PPHLN1: variants seen among roughly 807,000 people sequenced by gnomAD.
PPHLN1 encodes periphilin 1, also known as periphilin-1.
In PPHLN1, 29 loss-of-function variants were observed where a neutral mutation model predicts 51.3. The observed-to-expected ratio is 0.57, with a 90% CI of 0.42 to 0.77. The LOEUF (loss-of-function observed/expected upper bound fraction) is 0.77. Ranked by LOEUF, PPHLN1 falls within the 30% of genes least tolerant of loss-of-function variation. The pLI is 0.00. For synonymous variants in PPHLN1, 147 were observed against 147.8 expected, an observed-to-expected ratio of 0.99 and a Z score of 0.04; for missense variants, 436 against 438.4, an observed-to-expected ratio of 0.99 and a Z score of 0.05.
intron 2 of PPHLN1, among the ~76,000 whole-genome samples, chr12:42,336,745 G>A (rs1592191230): frequency 6.6e-6 from 1 of 152,176 alleles, no homozygotes; most frequent in East Asian, 1.9e-4. Flanking sequence ...GTTTGGGGAA[G>A]GTTAAAAAGC....
chr12:42,339,257 T>C (rs2071132237), intron 2 of PPHLN1, among the ~76,000 whole-genome samples: 1 of 152,224 alleles, frequency 6.6e-6, no homozygotes. Flanking sequence ...ATTTCTCTCC[T>C]TTTTCTTCAA....
At chr12:42,377,492 C>G (rs902203107) in intron 5 of PPHLN1, among the ~76,000 whole-genome samples, 1 of 151,800 alleles carries the variant, frequency 6.6e-6, no homozygotes, top group Non-Finnish European at 1.5e-5. Context: ...TTAGTAGAGA[C>G]AGGGTTGCAC....
At chr12:42,399,150 G>C in intron 9 of PPHLN1, 156 bp downstream of exon 9, 7 of 1,411,626 alleles carry the variant, frequency 5.0e-6, no homozygotes, top group Non-Finnish European at 6.5e-6. Context: ...TGACTTCACA[G>C]TCAGTTTGAT....
At chr12:42,347,577 C>T (rs1048962195) in intron 2 of PPHLN1, among the ~76,000 whole-genome samples, 1 of 152,054 alleles carries the variant, frequency 6.6e-6, no homozygotes, top group Non-Finnish European at 1.5e-5. Context: ...GTCAGGAATT[C>T]GAGACCAGCC....
Position 42,355,216 on chromosome 12 carries a change from A to C in PPHLN1, c.293A>C (p.Glu98Ala), listed in dbSNP as rs989825681. The C allele has an allele frequency of 9.3e-6, 15 of 1,612,722 alleles. No homozygotes were observed. Among genetic ancestry groups the C allele is most frequent in the Non-Finnish European group, 1.3e-5 (15 of 1,178,866 alleles). ...GATCATTCTGCAAGCAGGCAACCTG[A>C]ATACAGGTAAAAGGATAAAAATAAT... ...RDDHSASRQP[E>A]YRDMRDGFRR... The change falls in exon 4 of 10, where the codon GAA becomes GCA. Residue 98 changes from glutamate to alanine, a missense_variant. Glu to Ala is a moderately radical substitution (Grantham distance 107, BLOSUM62 -1). Coordinates refer to ENST00000358314, the MANE Select transcript of PPHLN1 (RefSeq NM_201439.2).
chr12:42,383,453 A>T (rs1489406698), intron 5 of PPHLN1, among the ~76,000 whole-genome samples: 2 of 152,224 alleles, frequency 1.3e-5, no homozygotes, highest in East Asian at 1.9e-4. Context: ...CACTTAATAA[A>T]ATAGGATTAA....
chr12:42,333,771 T>C (rs1319204238), intron 1 of PPHLN1, among the ~76,000 whole-genome samples: 3 of 152,350 alleles, frequency 2.0e-5, no homozygotes, highest in South Asian at 2.1e-4. Context: ...CGTGAGCCGC[T>C]GCGCCCGGCC....
intron 2 of PPHLN1, among the ~76,000 whole-genome samples, chr12:42,346,508 T>C (rs577638628): frequency 7.9e-5 from 12 of 152,204 alleles, no homozygotes; most frequent in Non-Finnish European, 1.6e-4. Context: ...ACTTAAGTTG[T>C]TTCTAAATTT....
Position 42,442,143 on chromosome 12 carries a change from A to G in PPHLN1, c.*634A>G. 4.5e-6 allele frequency: 1 copy of G among 223,904 alleles called. No homozygotes were observed. The highest frequency in any genetic ancestry group is 7.5e-6 in the Non-Finnish European group (1 of 133,448). The allele number at this position is 223,904 out of a possible 1,614,324, so 13.9% of individuals were successfully genotyped here. A position where few individuals can be genotyped will look rare whatever the true frequency, so the allele number is the denominator to read the frequency against. ...CTTAAATAATATCATATACAAGACT[A>G]ATAAATAGAAGATGCAGTTTGAGGT... On this transcript the variant is annotated 3_prime_UTR_variant, in exon 10 of 10. Transcript: ENST00000358314.
intron 9 of PPHLN1, among the ~76,000 whole-genome samples, chr12:42,403,807 C>G (rs1225945765): frequency 6.6e-6 from 1 of 152,138 alleles, no homozygotes; most frequent in African/African-American, 2.4e-5. Flanking sequence ...ATGGCATAAA[C>G]CCAAGTATAA....
At chr12:42,425,391 T>TCCTCAGGTTTTTAAA (rs1555220158) in intron 9 of PPHLN1, among the ~76,000 whole-genome samples, 6 of 147,840 alleles carry the variant, frequency 4.1e-5, no homozygotes, top group African/African-American at 7.5e-5. Flanking sequence ...GCGCCCAGCC[T>TCCTCAGGTTTTTAAA]ATTTTATTTT....
At chr12:42,411,006 C>T (rs2079759851) in intron 9 of PPHLN1, among the ~76,000 whole-genome samples, 1 of 151,906 alleles carries the variant, frequency 6.6e-6, no homozygotes, top group Non-Finnish European at 1.5e-5. Flanking sequence ...TAAATTACGC[C>T]TTCTCTATCT....
chr12:42,430,883 TAAACAAA>T (rs2081981065), intron 9 of PPHLN1, among the ~76,000 whole-genome samples: 1 of 152,166 alleles, frequency 6.6e-6, no homozygotes, highest in Admixed American at 6.6e-5. Flanking sequence ...CAACTGAAAT[TAAACAAA>T]ACAAGATAAA....
chr12:42,393,121 T>C (rs2077881462), intron 7 of PPHLN1, among the ~76,000 whole-genome samples: 1 of 152,188 alleles, frequency 6.6e-6, no homozygotes, highest in Non-Finnish European at 1.5e-5. Context: ...AGGAGTAGGA[T>C]TTATGTAACT....
At chr12:42,390,596 C>A (rs925713649) in intron 7 of PPHLN1, among the ~76,000 whole-genome samples, 3 of 151,762 alleles carry the variant, frequency 2.0e-5, no homozygotes, top group African/African-American at 7.3e-5. Flanking sequence ...CTACATGCAA[C>A]TGTGGCCCAG....
At chr12:42,353,904 C>T (rs2073716296) in intron 3 of PPHLN1, among the ~76,000 whole-genome samples, 1 of 152,002 alleles carries the variant, frequency 6.6e-6, no homozygotes, top group Non-Finnish European at 1.5e-5. Flanking sequence ...TGTCTTTATA[C>T]TTTTGTGTGT....
At chr12:42,415,584 C>T (rs17091186) in intron 9 of PPHLN1, among the ~76,000 whole-genome samples, 4,234 of 152,270 alleles carry the variant, frequency 0.028, 216 homozygotes, top group African/African-American at 0.097. Context: ...TACATGAGCT[C>T]GAGGTAATGT....
rs2138765640 is a variant in PPHLN1, at chr12:42,374,802, G to A, written c.300-61G>A. The A allele has an allele frequency of 2.2e-6, 3 of 1,356,406 alleles. No homozygotes were observed. The African/African-American group carries it at 4.5e-5, about 20-fold the overall frequency. 84.0% of individuals were successfully genotyped at this position (1,356,406 alleles called of 1,614,324 possible). A position where few individuals can be genotyped will look rare whatever the true frequency, so the allele number is the denominator to read the frequency against. On this transcript the variant is annotated intron_variant, in intron 4 of 9. Transcript: ENST00000358314. ...GCTTATAAGCAGAGCTTTTGCCATTGTGCTTGTATATAGAGGATAGAGTAT... is the reference window on the plus strand; with the variant it reads ...GCTTATAAGCAGAGCTTTTGCCATTATGCTTGTATATAGAGGATAGAGTAT...
intron 9 of PPHLN1, among the ~76,000 whole-genome samples, chr12:42,440,421 T>G (rs2082847109): frequency 1.3e-5 from 2 of 152,222 alleles, no homozygotes; most frequent in Non-Finnish European, 2.9e-5. Context: ...CTTCACATAC[T>G]CTGAGATTTT....
Sources: gnomAD v4.1 joint callset for allele counts (sites outside exome capture counted in the v4.1 genomes callset) on GRCh38, gnomAD v4.1.1 for gene constraint, MANE v1.5 for transcripts, NCBI Gene and HGNC (gene_info 2026-07-23, HGNC 2026-07-21) for gene names.